Variants in WDR72 observed in about 807,000 individuals in gnomAD.
WDR72 encodes the protein WD repeat-containing protein 72.
A neutral mutation model predicts 124.2 loss-of-function variants in WDR72; 120 were observed. The ratio of observed to expected loss-of-function variants is 0.97; its 90% CI spans 0.83 to 1.12. WDR72 has a LOEUF of 1.12. Ranked by LOEUF, WDR72 falls within the 50% of genes most tolerant of loss-of-function variation. The probability of loss-of-function intolerance (pLI) is 0.00; values close to 1 mark genes in which losing one functional copy is unlikely to be tolerated. For missense variants in WDR72, 1,387 were observed against 1,278.8 expected (o/e 1.08, Z -1.29); for synonymous variants, 452 against 441.7 (o/e 1.02, Z -0.29).
intron 14 of WDR72, chr15:53,651,939 C>T (rs2015258258): frequency 6.6e-6 from 1 of 152,194 alleles, no homozygotes; most frequent in Non-Finnish European, 1.5e-5. Flanking sequence ...AGGAGTGAGC[C>T]ACTGCGCCCA....
Position 53,523,313 on chromosome 15 carries a change from C to A in WDR72, c.3158G>T (p.Ser1053Ile). ...RNTLPLQTPVSPVKHDSNSNS... is the reference protein window; with the variant it reads ...RNTLPLQTPVIPVKHDSNSNS... ...TGAGTTGCTGTCATGCTTGACCGGGCTGACTGGAGCTATTAAAAGAGAGAG... is the reference window on the plus strand; with the variant it reads ...TGAGTTGCTGTCATGCTTGACCGGGATGACTGGAGCTATTAAAAGAGAGAG... Residue 1053 changes from serine to isoleucine, a missense_variant, in exon 19 of 20, where the codon AGC becomes ATC. By Grantham distance (142) the Ser-to-Ile change is moderately radical. Transcript: ENST00000360509. 6.2e-7 allele frequency: 1 copy of A among 1,611,630 alleles called. No homozygotes were observed. Among genetic ancestry groups the A allele is most frequent in the South Asian group, 1.1e-5 (1 of 90,960 alleles).
At chr15:53,702,530 GAAGCCAGAGTATGCTTTTGA>G (rs2017215865) in intron 11 of WDR72, among the ~76,000 whole-genome samples, 176 bp from the exon 12 acceptor site, 1 of 152,188 alleles carries the variant, frequency 6.6e-6, no homozygotes, top group Non-Finnish European at 1.5e-5. Flanking sequence ...TGCCTCACCA[GAAGCCAGAGTATGCTTTTGA>G]TGAAGCACTA....
At chr15:53,562,974 G>A (rs1894177564) in intron 18 of WDR72, among the ~76,000 whole-genome samples, 1 of 151,732 alleles carries the variant, frequency 6.6e-6, no homozygotes, top group Non-Finnish European at 1.5e-5. Flanking sequence ...GAAATGTTTT[G>A]CTTGAGGTTA....
chr15:53,521,407 C>G (rs1891786335), intron 19 of WDR72, among the ~76,000 whole-genome samples: 2 of 152,100 alleles, frequency 1.3e-5, no homozygotes, highest in South Asian at 4.1e-4. Context: ...AGTGAACTCT[C>G]CAGAGGTTTC....
At chr15:53,722,723 C>G in intron 3 of WDR72, 79 bp downstream of exon 3, 1 of 1,254,432 alleles carries the variant, frequency 8.0e-7, no homozygotes, top group Non-Finnish European at 1.2e-6. Flanking sequence ...TTTCCTTCAG[C>G]CCTAAAATTG....
intron 18 of WDR72, among the ~76,000 whole-genome samples, chr15:53,560,938 T>TA (rs1258667052): frequency 6.6e-6 from 1 of 151,804 alleles, no homozygotes; most frequent in African/African-American, 2.4e-5. Context: ...AAAAACATTA[T>TA]ATTCTTCCAC....
chr15:53,735,566 C>A (rs1024719634), intron 1 of WDR72, among the ~76,000 whole-genome samples: 8 of 152,088 alleles, frequency 5.3e-5, no homozygotes, highest in African/African-American at 1.4e-4. Context: ...TATGTATACA[C>A]ACAAATATTA....
intron 1 of WDR72, among the ~76,000 whole-genome samples, chr15:53,757,643 A>AACAAC (rs1567067152): frequency 2.7e-5 from 4 of 149,590 alleles, no homozygotes; most frequent in Non-Finnish European, 4.4e-5. Flanking sequence ...ACAACAACAA[A>AACAAC]AAATTAAAAA....
intron 18 of WDR72, among the ~76,000 whole-genome samples, chr15:53,591,657 C>G (rs192033987): frequency 1.3e-5 from 2 of 151,492 alleles, no homozygotes; most frequent in Non-Finnish European, 2.9e-5. Flanking sequence ...AATTAACACA[C>G]GCACACATAT....
chr15:53,651,344 C>A (rs1390016292), intron 14 of WDR72, among the ~76,000 whole-genome samples: 1 of 152,208 alleles, frequency 6.6e-6, no homozygotes, highest in Admixed American at 6.5e-5. Flanking sequence ...AACATTAATT[C>A]CCTGCAGAGC....
chr15:53,713,137 T>C (rs1383298504), intron 6 of WDR72, among the ~76,000 whole-genome samples: 1 of 149,800 alleles, frequency 6.7e-6, no homozygotes. Flanking sequence ...AACCTGCGTA[T>C]GTACTCCTGA....
At chr15:53,715,750 A>G (rs573218715) in intron 4 of WDR72, among the ~76,000 whole-genome samples, 17 of 152,332 alleles carry the variant, frequency 1.1e-4, no homozygotes, top group African/African-American at 4.1e-4. Context: ...ACTTGAGGCC[A>G]GGAATTTGAG....
chr15:53,601,412 T>C (rs1263799835), intron 17 of WDR72, among the ~76,000 whole-genome samples: 1 of 152,042 alleles, frequency 6.6e-6, no homozygotes, highest in Non-Finnish European at 1.5e-5. Context: ...AACACACTGA[T>C]GTACACAGAC....
intron 18 of WDR72, among the ~76,000 whole-genome samples, chr15:53,547,982 G>A (rs1490919255): frequency 2.6e-5 from 4 of 152,196 alleles, no homozygotes; most frequent in African/African-American, 9.6e-5. Context: ...GATCTCCAAA[G>A]GTTGATGACG....
At chr15:53,678,059 G>T (rs1296031632) in intron 13 of WDR72, among the ~76,000 whole-genome samples, 2 of 152,140 alleles carry the variant, frequency 1.3e-5, no homozygotes, top group East Asian at 1.9e-4. Context: ...CAGAGATTAT[G>T]GGGACTGGCA....
Position 53,668,056 on chromosome 15 carries a change from C to T in WDR72, c.1766-2288G>A, listed in dbSNP as rs569135152. Reference sequence around the variant, plus strand: ...ATGACTCAGTCCAGGTCCCTGGGAGCTTCCTTAAAACCTAATGGTAGTGCA... The same window carrying T: ...ATGACTCAGTCCAGGTCCCTGGGAGTTTCCTTAAAACCTAATGGTAGTGCA... On this transcript the variant is annotated intron_variant, in intron 13 of 19. Coordinates refer to ENST00000360509, the MANE Select transcript of WDR72 (RefSeq NM_182758.4). Among the ~76,000 whole-genome samples the T allele has an allele frequency of 6.6e-5, 10 of 152,242 alleles. No homozygotes were observed. In the East Asian group the frequency reaches 1.9e-3, roughly 29 times the overall value.
At chr15:53,565,478 T>C (rs1894263026) in intron 18 of WDR72, among the ~76,000 whole-genome samples, 1 of 151,934 alleles carries the variant, frequency 6.6e-6, no homozygotes, top group Admixed American at 6.6e-5. Context: ...TGCAACAATG[T>C]GCCAAGACCT....
intron 18 of WDR72, 28 bp from the exon 19 acceptor site, chr15:53,523,350 G>C (rs772550181): frequency 3.1e-5 from 49 of 1,593,530 alleles, no homozygotes; most frequent in Middle Eastern, 3.3e-4. Flanking sequence ...GAGAGAGAGA[G>C]AGACAGAAGA....
rs2013638952 is a variant in WDR72, at chr15:53,613,670, T to TTGAAA, written c.2867_2868insTTTCA (p.Asn957PhefsTer18). 1 of 1,607,734 alleles carries TTGAAA rather than the reference T, an allele frequency of 6.2e-7. No homozygotes were observed. Among genetic ancestry groups the TTGAAA allele is most frequent in the Non-Finnish European group, 8.5e-7 (1 of 1,175,792 alleles). ...CTGTGCCAGTAACTCTCTTACCATT[T>TTGAAA]CGTAAGCAACTGTAGAAGCTTGACA... On this transcript the variant is annotated frameshift_variant, in exon 16 of 20. Coordinates refer to ENST00000360509, the MANE Select transcript of WDR72 (RefSeq NM_182758.4). LOFTEE classifies it high-confidence loss of function.
Sources: allele counts gnomAD v4.1 joint callset (sites outside exome capture counted in the v4.1 genomes callset), GRCh38; gene constraint gnomAD v4.1.1; transcripts MANE v1.5; gene names NCBI Gene and HGNC (gene_info 2026-07-23, HGNC 2026-07-21).